Variants in AGBL4 observed in about 807,000 individuals in gnomAD.
AGBL4 encodes cytosolic carboxypeptidase 6.
In AGBL4, 58 loss-of-function variants were observed where a neutral mutation model predicts 66.4. The ratio of observed to expected loss-of-function variants is 0.87; its 90% CI spans 0.71 to 1.09. The LOEUF is 1.09. AGBL4 is among the 50% of genes least tolerant of loss of function. AGBL4 has a pLI of 0.00. For synonymous variants in AGBL4, 234 were observed against 222.9 expected (o/e 1.05, Z -0.44); for missense variants, 579 against 631.0 (o/e 0.92, Z 0.88).
intron 2 of AGBL4, among the ~76,000 whole-genome samples, chr1:49,799,121 A>ATG (rs1644798849): frequency 6.6e-6 from 1 of 152,174 alleles, no homozygotes; most frequent in Non-Finnish European, 1.5e-5. Flanking sequence ...GTAGTGCACC[A>ATG]TGTGCATTGC....
At chr1:48,792,627 A>G (rs1645578007) in intron 6 of AGBL4, among the ~76,000 whole-genome samples, 1 of 152,154 alleles carries the variant, frequency 6.6e-6, no homozygotes, top group Non-Finnish European at 1.5e-5. Flanking sequence ...CTGCCTGAGG[A>G]AGCTGGGGAA....
At chr1:49,150,649 C>T (rs1237345637) in intron 4 of AGBL4, among the ~76,000 whole-genome samples, 1 of 152,116 alleles carries the variant, frequency 6.6e-6, no homozygotes, top group African/African-American at 2.4e-5. Context: ...TTTCCTTTTG[C>T]CTATATACTC....
At chr1:49,841,988 C>A (rs1646005843) in intron 2 of AGBL4, 1 of 475,602 alleles carries the variant, frequency 2.1e-6, no homozygotes, top group Admixed American at 3.1e-5. Context: ...CACACAGTCT[C>A]CTCCTCACAC....
At chr1:49,439,856 G>A (rs886123861) in intron 3 of AGBL4, among the ~76,000 whole-genome samples, 6 of 152,084 alleles carry the variant, frequency 3.9e-5, no homozygotes, top group African/African-American at 9.7e-5. Context: ...TCGTGATCAC[G>A]TAAGTTAATA....
chr1:49,997,525 T>C (rs979157921), intron 1 of AGBL4, among the ~76,000 whole-genome samples: 1 of 152,094 alleles, frequency 6.6e-6, no homozygotes, highest in Non-Finnish European at 1.5e-5. Flanking sequence ...GAAATATATA[T>C]GCACCTAACA....
intron 5 of AGBL4, among the ~76,000 whole-genome samples, chr1:49,028,227 T>A (rs192529998): frequency 6.6e-6 from 1 of 152,208 alleles, no homozygotes; most frequent in East Asian, 1.9e-4. Flanking sequence ...GAAAGATAGC[T>A]AAGAAGGACA....
intron 5 of AGBL4, among the ~76,000 whole-genome samples, chr1:48,870,517 G>C (rs1648549084): frequency 6.6e-6 from 1 of 152,192 alleles, no homozygotes; most frequent in Non-Finnish European, 1.5e-5. Context: ...GAATTAATCA[G>C]CATGGAGAGT....
chr1:49,042,024 C>G (rs542532607), intron 5 of AGBL4, among the ~76,000 whole-genome samples: 2 of 152,100 alleles, frequency 1.3e-5, no homozygotes, highest in Non-Finnish European at 2.9e-5. Context: ...TTATTATTAA[C>G]TTCTTAAAAA....
At chr1:49,215,080 T>C (rs1465441347) in intron 4 of AGBL4, among the ~76,000 whole-genome samples, 1 of 152,126 alleles carries the variant, frequency 6.6e-6, no homozygotes, top group Non-Finnish European at 1.5e-5. Flanking sequence ...TCTACTTATA[T>C]GTAGATTCAT....
chr1:49,955,135 T>C (rs1006295321), intron 1 of AGBL4, among the ~76,000 whole-genome samples: 2 of 151,938 alleles, frequency 1.3e-5, no homozygotes, highest in Non-Finnish European at 2.9e-5. Flanking sequence ...GGATTTTTAA[T>C]GGATCAACTC....
At chr1:49,501,162 A>T (rs1055622759) in intron 3 of AGBL4, among the ~76,000 whole-genome samples, 15 of 152,108 alleles carry the variant, frequency 9.9e-5, no homozygotes, top group South Asian at 6.2e-4. Context: ...AAAGGGGTTG[A>T]GTTCTTCATT....
In AGBL4 at chr1:49,596,422, C is replaced by T. The variant is rs552565072; in HGVS notation, c.282+100891G>A. Among the ~76,000 whole-genome samples the T allele has an allele frequency of 7.9e-5, 12 of 152,252 alleles. No individual in the cohort carries two copies. The East Asian group carries it at 1.7e-3, about 22-fold the overall frequency. The stretch of plus-strand genomic sequence containing the variant: ...CTGGCCTCAAGTGATCTGCCAGCCT[C>T]GGCCTGCCAAAATGGTGGGATTACA... On this transcript the variant is annotated intron_variant, in intron 3 of 13. Transcript: ENST00000371839.
intron 3 of AGBL4, among the ~76,000 whole-genome samples, chr1:49,386,687 A>G (rs1436443280): frequency 6.6e-6 from 1 of 152,022 alleles, no homozygotes; most frequent in African/African-American, 2.4e-5. Flanking sequence ...CTGGTCAGCA[A>G]CTTCAAAATG....
At chr1:48,705,380 A>T (rs577268041) in intron 6 of AGBL4, among the ~76,000 whole-genome samples, 2 of 152,232 alleles carry the variant, frequency 1.3e-5, no homozygotes, top group Non-Finnish European at 2.9e-5. Context: ...AAATGAAAAC[A>T]TTAAATTATG....
intron 1 of AGBL4, among the ~76,000 whole-genome samples, chr1:49,880,461 GT>G (rs1647197742): frequency 1.3e-5 from 2 of 152,266 alleles, no homozygotes; most frequent in South Asian, 4.1e-4. Flanking sequence ...GTGCCTCCCA[GT>G]TAGGCTGCTT....
chr1:49,134,065 TG>T (rs1557669042), intron 4 of AGBL4, among the ~76,000 whole-genome samples: 1 of 151,862 alleles, frequency 6.6e-6, no homozygotes, highest in Admixed American at 6.6e-5. Flanking sequence ...GCTGGATGTC[TG>T]GGGGAGACAT....
chr1:49,507,926 G>T (rs1394398678), intron 3 of AGBL4, among the ~76,000 whole-genome samples: 1 of 151,650 alleles, frequency 6.6e-6, no homozygotes, highest in Non-Finnish European at 1.5e-5. Context: ...TCTTGATTTT[G>T]ACTTAGTAAT....
intron 6 of AGBL4, among the ~76,000 whole-genome samples, chr1:48,815,580 G>GT (rs1646154064): frequency 6.6e-6 from 1 of 152,122 alleles, no homozygotes; most frequent in Non-Finnish European, 1.5e-5. Flanking sequence ...TACCAGATAA[G>GT]TTTTTTGAGA....
chr1:49,875,747 G>T (rs1646983488), intron 1 of AGBL4, among the ~76,000 whole-genome samples: 3 of 119,588 alleles, frequency 2.5e-5, no homozygotes, highest in African/African-American at 9.7e-5. Flanking sequence ...CTTCCACAAT[G>T]GTTGAACTAG....
Sources: allele counts gnomAD v4.1 joint callset (sites outside exome capture counted in the v4.1 genomes callset), GRCh38; gene constraint gnomAD v4.1.1; transcripts MANE v1.5; gene names NCBI Gene and HGNC (gene_info 2026-07-23, HGNC 2026-07-21).